The following CRTC3 variants were observed in gnomAD, a reference collection of about 807,000 sequenced individuals.
CRTC3 encodes the protein CREB-regulated transcription coactivator 3.
Under a neutral mutation model 74.5 loss-of-function variants are expected in CRTC3, and 26 were observed. The ratio of observed to expected loss-of-function variants is 0.35; its 90% CI spans 0.26 to 0.48. CRTC3 has a LOEUF of 0.48. Ranked by LOEUF, CRTC3 falls within the 20% of genes least tolerant of loss-of-function variation. The probability of loss-of-function intolerance (pLI) is 0.99; values close to 1 mark genes in which losing one functional copy is unlikely to be tolerated. For missense variants in CRTC3, 760 were observed against 787.3 expected, an observed-to-expected ratio of 0.97 and a Z score of 0.41; for synonymous variants, 377 against 325.8, an observed-to-expected ratio of 1.16 and a Z score of -1.69.
chr15:90,611,038 A>G (rs1968344431), intron 6 of CRTC3, among the ~76,000 whole-genome samples: 2 of 152,164 alleles, frequency 1.3e-5, no homozygotes, highest in African/African-American at 2.4e-5. Context: ...AAGGTTTACA[A>G]TGCAAAGAAC....
At chr15:90,573,190 A>T (rs1259768830) in intron 2 of CRTC3, among the ~76,000 whole-genome samples, 1 of 152,208 alleles carries the variant, frequency 6.6e-6, no homozygotes, top group Non-Finnish European at 1.5e-5. Context: ...ACTTAGCATA[A>T]TGGGTAGAAA....
intron 2 of CRTC3, among the ~76,000 whole-genome samples, chr15:90,593,056 G>A (rs1799122580): frequency 6.6e-6 from 1 of 152,176 alleles, no homozygotes; most frequent in African/African-American, 2.4e-5. Context: ...GGGAGGCTGA[G>A]GCAGGAGAAT....
intron 5 of CRTC3, among the ~76,000 whole-genome samples, chr15:90,605,783 G>A (rs557433356): frequency 3.5e-4 from 53 of 152,328 alleles, no homozygotes; most frequent in African/African-American, 1.2e-3. Context: ...GTAGGCTAAT[G>A]AAGTTGCTTA....
At chr15:90,601,671 G>T (rs6496703) in intron 3 of CRTC3, among the ~76,000 whole-genome samples, 1 of 151,932 alleles carries the variant, frequency 6.6e-6, no homozygotes, top group African/African-American at 2.4e-5. Context: ...AAATAAATAA[G>T]TACCAGGAAC....
chr15:90,545,638 A>G (rs536264223), intron 2 of CRTC3, among the ~76,000 whole-genome samples: 45 of 150,946 alleles, frequency 3.0e-4, no homozygotes, highest in Admixed American at 2.0e-3. Context: ...GTGCAGTGGC[A>G]CGATCTCGGC....
chr15:90,634,516 T>C (rs142246168), intron 11 of CRTC3, among the ~76,000 whole-genome samples: 175 of 152,348 alleles, frequency 1.1e-3, no homozygotes, highest in African/African-American at 4.1e-3. Flanking sequence ...ATTGTCATGC[T>C]GATTTTGGTT....
In CRTC3 at chr15:90,579,762, C is replaced by T. The variant is rs145818798; in HGVS notation, c.232-13874C>T. ...GTTTAAGCAATTCTCCTACATCAGC[C>T]TCCCCAGTAGCTGGGAGCACAGGCA... On this transcript the variant is annotated intron_variant, in intron 2 of 14. Coordinates refer to ENST00000268184, the MANE Select transcript of CRTC3 (RefSeq NM_022769.5). Among the ~76,000 whole-genome samples the T allele has an allele frequency of 1.2e-4, 18 of 151,046 alleles. No individual in the cohort carries two copies. In the East Asian group the frequency reaches 3.3e-3, roughly 28 times the overall value.
chr15:90,614,679 A>G, intron 7 of CRTC3, 191 bp downstream of exon 7: 1 of 494,858 alleles, frequency 2.0e-6, no homozygotes, highest in South Asian at 4.0e-5. Flanking sequence ...GAGAAAGGAA[A>G]TATGTGGTTG....
intron 2 of CRTC3, among the ~76,000 whole-genome samples, chr15:90,547,946 T>A (rs1966847400): frequency 1.4e-5 from 2 of 146,228 alleles, no homozygotes; most frequent in African/African-American, 2.5e-5. Flanking sequence ...TGGAGCGCAA[T>A]GATGTGATCT....
At chr15:90,537,803 T>TAGCTAGGA (rs2151054928) in intron 1 of CRTC3, among the ~76,000 whole-genome samples, 1 of 152,330 alleles carries the variant, frequency 6.6e-6, no homozygotes, top group Non-Finnish European at 1.5e-5. Context: ...TCCTCCCAAG[T>TAGCTAGGA]AGCTAGGATT....
intron 6 of CRTC3, among the ~76,000 whole-genome samples, chr15:90,611,915 A>G (rs1968363878): frequency 6.6e-6 from 1 of 151,836 alleles, no homozygotes. Flanking sequence ...CATCCTGCCA[A>G]ATGACCAGCA....
chr15:90,567,505 G>C (rs57783163), intron 2 of CRTC3, among the ~76,000 whole-genome samples: 1 of 152,014 alleles, frequency 6.6e-6, no homozygotes, highest in African/African-American at 2.4e-5. Context: ...TGGCCAACAT[G>C]GTGAAACCCT....
At chr15:90,623,855 C>T (rs1400191779) in intron 9 of CRTC3, among the ~76,000 whole-genome samples, 2 of 152,176 alleles carry the variant, frequency 1.3e-5, no homozygotes, top group Non-Finnish European at 2.9e-5. Context: ...TCTGAATCCT[C>T]ACAGTTCTGA....
At chr15:90,608,540 T>A (rs552263639) in intron 6 of CRTC3, among the ~76,000 whole-genome samples, 1 of 152,212 alleles carries the variant, frequency 6.6e-6, no homozygotes, top group Admixed American at 6.5e-5. Flanking sequence ...TCCTTGACCT[T>A]CCTTCCTCTC....
intron 2 of CRTC3, among the ~76,000 whole-genome samples, chr15:90,556,826 G>T (rs1298744842): frequency 1.3e-5 from 2 of 151,576 alleles, no homozygotes; most frequent in Non-Finnish European, 2.9e-5. Context: ...GGTTTACAAC[G>T]GTCTACTACT....
intron 2 of CRTC3, among the ~76,000 whole-genome samples, chr15:90,588,128 C>T (rs1967710725): frequency 6.6e-6 from 1 of 151,822 alleles, no homozygotes; most frequent in South Asian, 2.1e-4. Flanking sequence ...GGCATGGTAG[C>T]ACATGCCTGT....
intron 14 of CRTC3, among the ~76,000 whole-genome samples, 165 bp from the exon 15 acceptor site, chr15:90,641,767 T>C (rs7178774): frequency 0.2 from 30,249 of 152,036 alleles, 3,100 homozygotes; most frequent in African/African-American, 0.26. Flanking sequence ...GTTGTGCAAC[T>C]GACTGACAAG....
rs192838853 is a variant in CRTC3 at position 90,586,140 on chromosome 15, T to C, written c.232-7496T>C. Among the ~76,000 whole-genome samples, 76 of 152,268 alleles carry C rather than the reference T, an allele frequency of 5.0e-4. 1 individual carries two copies. The highest frequency in any genetic ancestry group is 4.5e-3 in the Admixed American group (69 of 15,284). On this transcript the variant is annotated intron_variant, in intron 2 of 14. Coordinates refer to ENST00000268184, the MANE Select transcript of CRTC3 (RefSeq NM_022769.5). The stretch of plus-strand genomic sequence containing the variant: ...GCTCTTGCAGGAGTTTTATCACTTT[T>C]TTTCTTGATCACGAGTCATCATGAG...
intron 7 of CRTC3, 37 bp from the exon 8 acceptor site, chr15:90,617,846 T>C (rs771397244): frequency 7.0e-7 from 1 of 1,434,814 alleles, no homozygotes. Context: ...TCCTGCCTTC[T>C]CATGCAATGA....
Sources: allele counts gnomAD v4.1 joint callset (sites outside exome capture counted in the v4.1 genomes callset), GRCh38; gene constraint gnomAD v4.1.1; transcripts MANE v1.5; gene names NCBI Gene and HGNC (gene_info 2026-07-23, HGNC 2026-07-21).